Variants in HNRNPC observed in about 807,000 individuals in gnomAD.
HNRNPC encodes the protein heterogeneous nuclear ribonucleoproteins C1/C2.
HNRNPC carries 3 observed loss-of-function variants against 33.2 expected under a neutral mutation model. The ratio of observed to expected loss-of-function variants is 0.09; its 90% CI spans 0.04 to 0.23. The LOEUF is 0.23. HNRNPC is among the 10% of genes least tolerant of loss of function. HNRNPC has a pLI of 1.00. For missense variants in HNRNPC, 143 were observed against 366.7 expected, an observed-to-expected ratio of 0.39 and a Z score of 4.98; for synonymous variants, 121 against 126.7, an observed-to-expected ratio of 0.96 and a Z score of 0.30.
chr14:21,263,148 CG>C (rs1241904952), intron 2 of HNRNPC, 162 bp downstream of exon 2: 1 of 152,198 alleles, frequency 6.6e-6, no homozygotes, highest in East Asian at 1.9e-4. Context: ...CAGAAAAACT[CG>C]ATTTTAATCC....
At chr14:21,258,114 C>A (rs1456388879) in intron 2 of HNRNPC, among the ~76,000 whole-genome samples, 3 of 152,120 alleles carry the variant, frequency 2.0e-5, no homozygotes, top group Non-Finnish European at 4.4e-5. Flanking sequence ...AATGCTCAGC[C>A]GGACACAGTG....
rs1317859269 is a variant in HNRNPC, at chr14:21,241,165, C to T, written c.-36-6936G>A. Among the ~76,000 whole-genome samples, 3 of 144,350 alleles carry T rather than the reference C, an allele frequency of 2.1e-5. No homozygotes were observed. In the Admixed American group the frequency reaches 2.2e-4, roughly 11 times the overall value. The allele number at this position is 144,350 out of a possible 152,430, so 94.7% of individuals were successfully genotyped here. On this transcript the variant is annotated intron_variant, in intron 2 of 8. Coordinates refer to ENST00000553300, the MANE Select transcript of HNRNPC (RefSeq NM_004500.4). ...ATCCCAGCTACTCGGGGGGCTGAGG[C>T]AAAGAACTGCCTGAACCCAGGAGGC...
At chr14:21,261,181 T>C (rs944052637) in intron 2 of HNRNPC, among the ~76,000 whole-genome samples, 1 of 152,160 alleles carries the variant, frequency 6.6e-6, no homozygotes, top group Non-Finnish European at 1.5e-5. Flanking sequence ...TCTCATCATA[T>C]ATGGACATTA....
chr14:21,243,318 G>C (rs1401164692), intron 2 of HNRNPC, among the ~76,000 whole-genome samples: 1 of 152,138 alleles, frequency 6.6e-6, no homozygotes, highest in Non-Finnish European at 1.5e-5. Context: ...CATGTTTGCT[G>C]AAGTATCATG....
intron 5 of HNRNPC, among the ~76,000 whole-genome samples, chr14:21,218,703 A>AAC (rs1892497088): frequency 7.1e-6 from 1 of 140,416 alleles, no homozygotes; most frequent in East Asian, 2.1e-4. Context: ...AAAAAAAAAA[A>AAC]AAAAACTGAA....
chr14:21,222,106 A>G (rs1450195363), intron 5 of HNRNPC, among the ~76,000 whole-genome samples: 2 of 152,036 alleles, frequency 1.3e-5, no homozygotes, highest in African/African-American at 2.4e-5. Flanking sequence ...ATTTTTAAAC[A>G]AAATGCAATT....
chr14:21,225,484 T>A (rs1295128270), intron 5 of HNRNPC, among the ~76,000 whole-genome samples: 1 of 151,100 alleles, frequency 6.6e-6, no homozygotes, highest in African/African-American at 2.4e-5. Flanking sequence ...AGAAAAGAGC[T>A]GACAGTAAAT....
chr14:21,221,259 T>G (rs1275530422), intron 5 of HNRNPC, among the ~76,000 whole-genome samples: 1 of 152,246 alleles, frequency 6.6e-6, no homozygotes, highest in Non-Finnish European at 1.5e-5. Context: ...GTCTGGGTTA[T>G]TTCCTTCCTG....
intron 2 of HNRNPC, among the ~76,000 whole-genome samples, chr14:21,244,799 A>G (rs917504187): frequency 5.9e-5 from 9 of 152,172 alleles, no homozygotes; most frequent in Admixed American, 3.3e-4. Context: ...AAACCTGCAT[A>G]GCATGCACAG....
At chr14:21,232,873 TA>T (rs1301303005) in intron 3 of HNRNPC, among the ~76,000 whole-genome samples, 1 of 151,948 alleles carries the variant, frequency 6.6e-6, no homozygotes, top group African/African-American at 2.4e-5. Flanking sequence ...TCACCTCTAC[TA>T]AAAAATACAA....
chr14:21,209,547 C>T lies in HNRNPC; in HGVS notation c.*1676G>A, dbSNP rs1041633237. On this transcript the variant is annotated 3_prime_UTR_variant, in exon 9 of 9. Transcript: ENST00000553300. ...TAGTATTTTTGACTGAATTAACATA[C>T]AAAAGAAATTGCCTATATCATGTAT... The T allele has an allele frequency of 2.0e-5, 3 of 152,144 alleles. No homozygotes were observed. The highest frequency in any genetic ancestry group is 4.4e-5 in the Non-Finnish European group (3 of 68,018). The allele number at this position is 152,144 out of a possible 1,614,324, so 9.4% of individuals were successfully genotyped here.
At chr14:21,230,448 A>G in intron 4 of HNRNPC, 82 bp from the exon 5 acceptor site, 2 of 906,690 alleles carry the variant, frequency 2.2e-6, no homozygotes, top group South Asian at 2.8e-5. Flanking sequence ...AACCATGCCA[A>G]ATAAACCACA....
chr14:21,254,917 A>G (rs924467218), intron 2 of HNRNPC, among the ~76,000 whole-genome samples: 8 of 142,638 alleles, frequency 5.6e-5, no homozygotes, highest in Non-Finnish European at 1.1e-4. Flanking sequence ...GCGAGACTCT[A>G]GTCTCAAAAA....
intron 2 of HNRNPC, among the ~76,000 whole-genome samples, chr14:21,249,411 C>T (rs1481891582): frequency 7.4e-6 from 1 of 135,520 alleles, no homozygotes; most frequent in Non-Finnish European, 1.5e-5. Context: ...CCTATCTCTA[C>T]TAAAAATACA....
In HNRNPC at chr14:21,209,701, A is replaced by G. The variant is rs921579245; in HGVS notation, c.*1522T>C. 1.3e-5 allele frequency: 2 copies of G among 152,198 alleles called. No homozygotes were observed. Among genetic ancestry groups the G allele is most frequent in the African/African-American group, 4.8e-5 (2 of 41,436 alleles). The allele number at this position is 152,198 out of a possible 1,614,324, so 9.4% of individuals were successfully genotyped here. A position where few individuals can be genotyped will look rare whatever the true frequency, so the allele number is the denominator to read the frequency against. ...TTTTGCCTGTAATGAGTAGGATGAAAAAAGGCCAGTGCCGCATGCTATGAA... is the reference window on the plus strand; with the variant it reads ...TTTTGCCTGTAATGAGTAGGATGAAGAAAGGCCAGTGCCGCATGCTATGAA... On this transcript the variant is annotated 3_prime_UTR_variant, in exon 9 of 9. Transcript: ENST00000553300.
At chr14:21,233,876 A>T in intron 3 of HNRNPC, 77 bp downstream of exon 3, 1 of 1,522,214 alleles carries the variant, frequency 6.6e-7, no homozygotes, top group Non-Finnish European at 8.9e-7. Context: ...TCAGTTTTAC[A>T]GACATAAAGA....
intron 2 of HNRNPC, among the ~76,000 whole-genome samples, chr14:21,235,055 CATT>C (rs1162569287): frequency 1.3e-5 from 2 of 152,182 alleles, no homozygotes; most frequent in African/African-American, 4.8e-5. Context: ...ACTTTCCACG[CATT>C]ATTTAAAACC....
chr14:21,252,131 T>C (rs564007016), intron 2 of HNRNPC, among the ~76,000 whole-genome samples: 9 of 152,226 alleles, frequency 5.9e-5, no homozygotes, highest in Non-Finnish European at 1.2e-4. Flanking sequence ...CTAAGAAAAT[T>C]TCAAAACCTA....
intron 5 of HNRNPC, among the ~76,000 whole-genome samples, chr14:21,222,558 G>A (rs2139554413): frequency 6.6e-6 from 1 of 152,132 alleles, no homozygotes; most frequent in African/African-American, 2.4e-5. Flanking sequence ...TTATTCTTTA[G>A]TCAGTTGATG....
Sources: allele counts gnomAD v4.1 joint callset (sites outside exome capture counted in the v4.1 genomes callset), GRCh38; gene constraint gnomAD v4.1.1; transcripts MANE v1.5; gene names NCBI Gene and HGNC (gene_info 2026-07-23, HGNC 2026-07-21).